Variants in NAV2 observed in about 807,000 individuals in gnomAD.
NAV2 encodes neuron navigator 2, also known as helicase, APC down-regulated 1.
In NAV2, 54 loss-of-function variants were observed where a neutral mutation model predicts 223.2. That is an observed-to-expected ratio of 0.24 (90% confidence interval 0.19 to 0.30). NAV2 has a LOEUF of 0.30. Ranked by LOEUF, NAV2 falls within the 10% of genes least tolerant of loss-of-function variation. The pLI, the probability that NAV2 is intolerant of heterozygous loss-of-function variation, is 1.00. For synonymous variants in NAV2, 1,279 were observed against 1,239.3 expected, an observed-to-expected ratio of 1.03 and a Z score of -0.67; for missense variants, 2,806 against 3,147.5, an observed-to-expected ratio of 0.89 and a Z score of 2.60.
chr11:19,959,599 A>G (rs985088595), intron 10 of NAV2, among the ~76,000 whole-genome samples: 2 of 152,232 alleles, frequency 1.3e-5, no homozygotes, highest in African/African-American at 2.4e-5. Context: ...CTGTCCTCAT[A>G]ATGAGGGTGT....
intron 12 of NAV2, among the ~76,000 whole-genome samples, chr11:20,037,168 C>G (rs113964247): frequency 2.6e-5 from 4 of 152,110 alleles, no homozygotes; most frequent in Admixed American, 1.3e-4. Flanking sequence ...CCCCACCCCC[C>G]ATCTTTGGCG....
intron 1 of NAV2, among the ~76,000 whole-genome samples, chr11:19,374,303 GA>G (rs1848567867): frequency 7.5e-6 from 1 of 133,296 alleles, no homozygotes. Context: ...GAATTTTTCC[GA>G]AAAGGTTTTT....
At chr11:19,650,119 T>C (rs1487695509) in intron 1 of NAV2, among the ~76,000 whole-genome samples, 1 of 152,254 alleles carries the variant, frequency 6.6e-6, no homozygotes, top group Non-Finnish European at 1.5e-5. Context: ...CTGGCACCTG[T>C]GAATGTGACC....
At chr11:19,394,010 G>C (rs2729860) in intron 1 of NAV2, among the ~76,000 whole-genome samples, 1 of 150,386 alleles carries the variant, frequency 6.6e-6, no homozygotes, top group African/African-American at 2.4e-5. Context: ...AACCTGGAAC[G>C]TTTTCAGAGG....
At chr11:19,730,149 G>A (rs2152412061) in intron 1 of NAV2, among the ~76,000 whole-genome samples, 1 of 152,262 alleles carries the variant, frequency 6.6e-6, no homozygotes, top group Admixed American at 6.5e-5. Context: ...AATGTGTTGG[G>A]GACCTTGATT....
chr11:19,630,841 A>G (rs1687880935), intron 1 of NAV2, among the ~76,000 whole-genome samples: 1 of 149,088 alleles, frequency 6.7e-6, no homozygotes, highest in Admixed American at 6.8e-5. Flanking sequence ...TCACCACTGC[A>G]CTCCAGCCTA....
At chr11:19,912,778 C>T (rs2043426772) in intron 6 of NAV2, among the ~76,000 whole-genome samples, 1 of 152,170 alleles carries the variant, frequency 6.6e-6, no homozygotes, top group Non-Finnish European at 1.5e-5. Context: ...TCTTGCTCAA[C>T]CAGTGTGTTT....
At chr11:19,637,627 C>T (rs1435855574) in intron 1 of NAV2, among the ~76,000 whole-genome samples, 1 of 152,250 alleles carries the variant, frequency 6.6e-6, no homozygotes, top group African/African-American at 2.4e-5. Context: ...TTTACTCATG[C>T]AGAAGGCAAA....
chr11:20,052,073 T>C (rs1339506577), intron 17 of NAV2, among the ~76,000 whole-genome samples: 1 of 152,234 alleles, frequency 6.6e-6, no homozygotes, highest in Non-Finnish European at 1.5e-5. Context: ...TCCCCTGTGA[T>C]CTTGCTGTCT....
chr11:19,903,798 A>G (rs988545086), intron 6 of NAV2, among the ~76,000 whole-genome samples: 4 of 152,154 alleles, frequency 2.6e-5, no homozygotes, highest in Admixed American at 1.3e-4. Context: ...TGGGAGGATA[A>G]TAACTTGCAG....
At chr11:19,419,894 T>G (rs950899330) in intron 1 of NAV2, among the ~76,000 whole-genome samples, 9 of 152,182 alleles carry the variant, frequency 5.9e-5, no homozygotes, top group African/African-American at 2.2e-4. Context: ...AATAATTCCT[T>G]CCTTGCCTGC....
At chr11:20,010,865 C>T (rs959843445) in intron 11 of NAV2, among the ~76,000 whole-genome samples, 1 of 152,172 alleles carries the variant, frequency 6.6e-6, no homozygotes, top group African/African-American at 2.4e-5. Context: ...TCATTTAAGC[C>T]TGTGCAAGGC....
chr11:19,610,742 A>C (rs1261605607), intron 1 of NAV2, among the ~76,000 whole-genome samples: 1 of 151,882 alleles, frequency 6.6e-6, no homozygotes. Context: ...GGATGGATGG[A>C]TGGATGGATG....
chr11:20,006,675 C>CAAATAAATAAATAAAT (rs112326547), intron 11 of NAV2, among the ~76,000 whole-genome samples: 26 of 150,700 alleles, frequency 1.7e-4, no homozygotes, highest in African/African-American at 6.4e-4. Context: ...AACTCCATCT[C>CAAATAAATAAATAAAT]AAATAAATAA....
intron 1 of NAV2, among the ~76,000 whole-genome samples, chr11:19,827,736 TAAG>T (rs1316036833): frequency 2.0e-5 from 3 of 152,202 alleles, no homozygotes; most frequent in Non-Finnish European, 2.9e-5. Context: ...AAAATTGTTT[TAAG>T]AAGTTTAAAA....
In NAV2 at chr11:19,877,573, T is replaced by C. The variant is rs375551281; in HGVS notation, c.512-2296T>C. Among the ~76,000 whole-genome samples the C allele has an allele frequency of 6.6e-4, 99 of 149,660 alleles. 2 individuals are homozygous for C. In the East Asian group the frequency reaches 9.9e-3, roughly 15 times the overall value. On this transcript the variant is annotated intron_variant, in intron 4 of 37. Transcript: ENST00000349880. ...CTGCAAGCTCCGCCTCCCGGGTTCA[T>C]GCCATTCTCCTGCCTCAGCCTCCTG...
intron 1 of NAV2, among the ~76,000 whole-genome samples, chr11:19,467,195 T>C (rs1852398449): frequency 1.3e-5 from 2 of 152,224 alleles, no homozygotes; most frequent in South Asian, 4.1e-4. Context: ...GAATTAACAT[T>C]TTTAATATGT....
At chr11:19,392,105 T>G (rs1849271516) in intron 1 of NAV2, among the ~76,000 whole-genome samples, 1 of 152,204 alleles carries the variant, frequency 6.6e-6, no homozygotes, top group Non-Finnish European at 1.5e-5. Context: ...TCCTTTTACT[T>G]TGATGATGGA....
intron 1 of NAV2, among the ~76,000 whole-genome samples, chr11:19,637,073 CAAG>C (rs2047523890): frequency 2.0e-5 from 3 of 152,208 alleles, no homozygotes; most frequent in Non-Finnish European, 4.4e-5. Context: ...TCCAAGAAAA[CAAG>C]TTTTCCATGG....
Sources: allele counts gnomAD v4.1 joint callset (sites outside exome capture counted in the v4.1 genomes callset), GRCh38; gene constraint gnomAD v4.1.1; transcripts MANE v1.5; gene names NCBI Gene and HGNC (gene_info 2026-07-23, HGNC 2026-07-21).